The following TENM3 variants were observed in gnomAD, a reference collection of about 807,000 sequenced individuals.
The protein encoded by TENM3 is teneurin-3.
Under a neutral mutation model 255.1 loss-of-function variants are expected in TENM3, and 63 were observed. The ratio of observed to expected loss-of-function variants is 0.25; its 90% CI spans 0.20 to 0.30. The LOEUF is 0.30. TENM3 is among the 10% of genes least tolerant of loss of function. The pLI, the probability that TENM3 is intolerant of heterozygous loss-of-function variation, is 1.00. For synonymous variants in TENM3, 1,306 were observed against 1,322.3 expected (o/e 0.99, Z 0.27); for missense variants, 2,929 against 3,461.1 (o/e 0.85, Z 3.86).
chr4:182,270,329 A>G (rs988876813), intron 1 of TENM3, among the ~76,000 whole-genome samples: 5 of 152,314 alleles, frequency 3.3e-5, no homozygotes, highest in African/African-American at 1.2e-4. Context: ...CCAAAGAAAT[A>G]TATTTGGGGG....
chr4:182,276,421 A>C (rs1760005493), intron 1 of TENM3, among the ~76,000 whole-genome samples: 1 of 152,204 alleles, frequency 6.6e-6, no homozygotes, highest in Non-Finnish European at 1.5e-5. Context: ...TCTTGAGATA[A>C]CATTTGTGAT....
chr4:181,806,732 G>A, the TENM3 span, among the ~76,000 whole-genome samples: 2 of 152,182 alleles, frequency 1.3e-5, no homozygotes, highest in Non-Finnish European at 2.9e-5. Flanking sequence ...ATAAATGTCT[G>A]TCCTTAACAA....
chr4:182,702,978 T>C (rs1217138064), intron 12 of TENM3, among the ~76,000 whole-genome samples: 1 of 151,984 alleles, frequency 6.6e-6, no homozygotes, highest in Non-Finnish European at 1.5e-5. Context: ...CCTCGTGATC[T>C]GCCCGCCTCA....
At chr4:182,294,411 G>A (rs530355832) in intron 1 of TENM3, among the ~76,000 whole-genome samples, 1 of 151,164 alleles carries the variant, frequency 6.6e-6, no homozygotes, top group African/African-American at 2.4e-5. Context: ...TTCACCCTAA[G>A]TGTAAATCCC....
At chr4:182,452,391 C>T (rs968553017) in intron 3 of TENM3, among the ~76,000 whole-genome samples, 3 of 152,022 alleles carry the variant, frequency 2.0e-5, no homozygotes, top group Non-Finnish European at 4.4e-5. Context: ...ACCAGAACTT[C>T]TAAGTAGTTG....
At chr4:181,456,064 T>C in the TENM3 span, among the ~76,000 whole-genome samples, 790 of 151,756 alleles carry the variant, frequency 5.2e-3, 4 homozygotes, top group Middle Eastern at 0.014. Context: ...TGTAAAAATA[T>C]GATATTGAGA....
At chr4:182,649,044 T>C (rs1427552572) in intron 5 of TENM3, among the ~76,000 whole-genome samples, 2 of 152,214 alleles carry the variant, frequency 1.3e-5, no homozygotes. Flanking sequence ...GTGAATATTG[T>C]TGTTTATGCC....
chr4:182,713,945 G>A (rs1254002185), intron 12 of TENM3, 142 bp from the exon 13 acceptor site: 12 of 640,196 alleles, frequency 1.9e-5, no homozygotes, highest in Admixed American at 3.0e-5. Context: ...CATAGATAAC[G>A]TTGCTGTTTC....
chr4:182,602,984 A>G (rs1036756654), intron 4 of TENM3, among the ~76,000 whole-genome samples: 1 of 152,246 alleles, frequency 6.6e-6, no homozygotes, highest in African/African-American at 2.4e-5. Context: ...ATAAAACACA[A>G]AAGCCTCAAA....
intron 3 of TENM3, among the ~76,000 whole-genome samples, chr4:182,501,832 G>A (rs929563912): frequency 6.6e-6 from 1 of 151,954 alleles, no homozygotes; most frequent in Non-Finnish European, 1.5e-5. Context: ...GCCATAGATT[G>A]TACTCAAATT....
At chr4:181,759,807 T>TAAAC in the TENM3 span, among the ~76,000 whole-genome samples, 1 of 151,400 alleles carries the variant, frequency 6.6e-6, no homozygotes. Flanking sequence ...AGATGTTTAA[T>TAAAC]AAACAATTAC....
At chr4:181,563,657 G>A in the TENM3 span, among the ~76,000 whole-genome samples, 1 of 152,268 alleles carries the variant, frequency 6.6e-6, no homozygotes, top group Non-Finnish European at 1.5e-5. Context: ...CTGAATTTGA[G>A]ATGCAGACAT....
chr4:181,844,646 C>T, the TENM3 span, among the ~76,000 whole-genome samples: 26 of 149,770 alleles, frequency 1.7e-4, no homozygotes, highest in South Asian at 4.2e-4. Flanking sequence ...CCAGCCTGGG[C>T]GACAGAGTGA....
At chr4:182,366,715 A>C (rs1766452215) in intron 3 of TENM3, among the ~76,000 whole-genome samples, 1 of 152,194 alleles carries the variant, frequency 6.6e-6, no homozygotes, top group South Asian at 2.1e-4. Context: ...TAGAATGCTA[A>C]CTAAAAATAA....
At chr4:182,612,712 C>G (rs1749132937) in intron 4 of TENM3, among the ~76,000 whole-genome samples, 1 of 151,034 alleles carries the variant, frequency 6.6e-6, no homozygotes, top group Non-Finnish European at 1.5e-5. Flanking sequence ...TCTCAGTTTC[C>G]TCTTCTTTAA....
chr4:181,734,427 C>G, the TENM3 span, among the ~76,000 whole-genome samples: 10 of 151,942 alleles, frequency 6.6e-5, no homozygotes, highest in South Asian at 2.1e-3. Flanking sequence ...TTTTCACCCC[C>G]TACATCACCA....
the TENM3 span, among the ~76,000 whole-genome samples, chr4:181,819,355 A>C: frequency 1.3e-5 from 2 of 152,220 alleles, no homozygotes; most frequent in Non-Finnish European, 2.9e-5. Context: ...AGAAAGAATA[A>C]AAGTAATAAA....
At chr4:181,719,245 A>AAAAATG in the TENM3 span, among the ~76,000 whole-genome samples, 25 of 151,414 alleles carry the variant, frequency 1.7e-4, no homozygotes, top group African/African-American at 5.8e-4. Flanking sequence ...TAAATAAAAT[A>AAAAATG]AAAATGAAAA....
chr4:182,166,825 A>G (rs374524675), intron 1 of TENM3, among the ~76,000 whole-genome samples: 168 of 152,160 alleles, frequency 1.1e-3, no homozygotes, highest in African/African-American at 3.8e-3. Flanking sequence ...TTTATAAAAA[A>G]TCCACATGTT....
Sources: gnomAD v4.1 joint callset for allele counts (sites outside exome capture counted in the v4.1 genomes callset) on GRCh38, gnomAD v4.1.1 for gene constraint, MANE v1.5 for transcripts, NCBI Gene and HGNC (gene_info 2026-07-23, HGNC 2026-07-21) for gene names.